The following XPNPEP1 variants were observed in gnomAD, a reference collection of about 807,000 sequenced individuals.
XPNPEP1 encodes the protein X-prolyl aminopeptidase 1, also known as xaa-Pro aminopeptidase 1.
In XPNPEP1, 39 loss-of-function variants were observed where a neutral mutation model predicts 92.4. The ratio of observed to expected loss-of-function variants is 0.42; its 90% confidence interval spans 0.33 to 0.55. XPNPEP1 has a LOEUF of 0.55. Ranked by LOEUF, XPNPEP1 falls within the 20% of genes least tolerant of loss-of-function variation. The probability of loss-of-function intolerance (pLI) is 0.08; values close to 1 mark genes in which losing one functional copy is unlikely to be tolerated. For missense variants in XPNPEP1, 654 were observed against 856.1 expected, an observed-to-expected ratio of 0.76 and a Z score of 2.95; for synonymous variants, 307 against 299.4, an observed-to-expected ratio of 1.03 and a Z score of -0.26.
chr10:109,894,129 T>A lies in XPNPEP1; in HGVS notation c.247-1054A>T, dbSNP rs1589596155. On this transcript the variant is annotated intron_variant, in intron 3 of 20. Transcript: ENST00000502935. ...AAAGGACCTGGCAAGGTTAAGAAAGTTTAGGGTGGGGAATGGGGCTGCTGG... is the reference window on the plus strand; with the variant it reads ...AAAGGACCTGGCAAGGTTAAGAAAGATTAGGGTGGGGAATGGGGCTGCTGG... The A allele has an allele frequency of 2.6e-5, 4 of 152,040 alleles. No individual in the cohort carries two copies. The East Asian group carries it at 7.7e-4, about 29-fold the overall frequency. 9.4% of individuals were successfully genotyped at this position (152,040 alleles called of 1,614,324 possible).
At chr10:109,868,763 A>G in intron 19 of XPNPEP1, 51 bp from the exon 20 acceptor site, 1 of 1,540,794 alleles carries the variant, frequency 6.5e-7, no homozygotes, top group Non-Finnish European at 9.0e-7. Flanking sequence ...TACTATGCTG[A>G]AGCACCATGA....
At chr10:109,886,880 G>A (rs558693096) in intron 7 of XPNPEP1, among the ~76,000 whole-genome samples, 58 of 152,250 alleles carry the variant, frequency 3.8e-4, no homozygotes, top group Admixed American at 1.3e-3. Context: ...TCAGTGCTAA[G>A]ACCTAGGAAT....
At chr10:109,865,935 C>T (rs116016117) in intron 20 of XPNPEP1, among the ~76,000 whole-genome samples, 3,142 of 152,274 alleles carry the variant, frequency 0.021, 105 homozygotes, top group African/African-American at 0.072. Flanking sequence ...GACCTGCTGG[C>T]AGGACTTGGT....
At chr10:109,892,882 CAG>C in intron 4 of XPNPEP1, 128 bp downstream of exon 4, 2 of 887,510 alleles carry the variant, frequency 2.3e-6, no homozygotes, top group East Asian at 2.7e-5. Context: ...CACCTTTCTG[CAG>C]AGAGTCAATG....
rs1397441831 is a variant in XPNPEP1, at chr10:109,867,015, A to G, written c.1872+1599T>C. Among the ~76,000 whole-genome samples the G allele has an allele frequency of 6.6e-6, 1 of 152,220 alleles. No individual in the cohort carries two copies. The highest frequency in any genetic ancestry group is 6.5e-5 in the Admixed American group (1 of 15,288). On this transcript the variant is annotated intron_variant, in intron 20 of 20. Transcript: ENST00000502935. The surrounding 1 kb of genome is among the most constrained non-coding windows in gnomAD (Gnocchi z 4.5). ...TAAAGGGGAATGTCATATGGGAGAA[A>G]TGCCTCCTGATGGGTACACTTTATG... is the stretch of plus-strand genomic sequence containing the variant.
intron 5 of XPNPEP1, among the ~76,000 whole-genome samples, chr10:109,890,614 GA>G (rs1848655830): frequency 6.6e-6 from 1 of 151,816 alleles, no homozygotes; most frequent in African/African-American, 2.4e-5. Context: ...GAGAGAGAGA[GA>G]GAGAGAGAGA....
At chr10:109,889,561 A>C (rs565590530) in intron 5 of XPNPEP1, among the ~76,000 whole-genome samples, 1 of 152,368 alleles carries the variant, frequency 6.6e-6, no homozygotes, top group Admixed American at 6.5e-5. Flanking sequence ...TAGTCATAGG[A>C]CACTATATCA....
At chr10:109,897,580 G>GA (rs1263087052) in intron 3 of XPNPEP1, among the ~76,000 whole-genome samples, 1 of 152,028 alleles carries the variant, frequency 6.6e-6, no homozygotes, top group African/African-American at 2.4e-5. Flanking sequence ...TGAAAAAAAT[G>GA]AAGCTTAGAG....
chr10:109,875,520 T>A lies in XPNPEP1; in HGVS notation c.1391+8A>T. 6.2e-7 allele frequency: 1 copy of A among 1,613,896 alleles called. No homozygotes were observed. Among genetic ancestry groups the A allele is most frequent in the South Asian group, 1.1e-5 (1 of 91,062 alleles). ...AGTCAAGTTCCACAGCAGTCCTGGTTTACTTACTTGTATTGAGCACCCGAG... is the reference window on the plus strand; with the variant it reads ...AGTCAAGTTCCACAGCAGTCCTGGTATACTTACTTGTATTGAGCACCCGAG... On this transcript the variant is annotated splice_region_variant and intron_variant, in intron 15 of 20. Coordinates refer to ENST00000502935, the MANE Select transcript of XPNPEP1 (RefSeq NM_020383.4).
chr10:109,897,414 C>A (rs769915720), intron 3 of XPNPEP1, among the ~76,000 whole-genome samples: 37 of 152,290 alleles, frequency 2.4e-4, no homozygotes, highest in African/African-American at 7.7e-4. Context: ...CCATACCCTA[C>A]CTTGGATAAT....
At chr10:109,883,983 G>T in intron 9 of XPNPEP1, 84 bp downstream of exon 9, 1 of 1,224,334 alleles carries the variant, frequency 8.2e-7, no homozygotes. Flanking sequence ...ATCAGGCAGT[G>T]ATGGGTGGGC....
At chr10:109,881,068 T>G in intron 10 of XPNPEP1, 137 bp from the exon 11 acceptor site, 2 of 753,218 alleles carry the variant, frequency 2.7e-6, no homozygotes, top group Non-Finnish European at 4.2e-6. Context: ...CATATAGCTA[T>G]CCCCTGGGGC....
intron 17 of XPNPEP1, 126 bp downstream of exon 17, chr10:109,871,666 G>A: frequency 9.3e-7 from 1 of 1,079,158 alleles, no homozygotes; most frequent in Admixed American, 2.3e-5. Flanking sequence ...ATGAGCACCT[G>A]GCTGGGCCTG....
At chr10:109,877,632 A>T in intron 14 of XPNPEP1, 158 bp downstream of exon 14, 1 of 932,254 alleles carries the variant, frequency 1.1e-6, no homozygotes, top group Admixed American at 2.5e-5. Flanking sequence ...GATTGGGAGA[A>T]AATAAAATCT....
intron 3 of XPNPEP1, among the ~76,000 whole-genome samples, chr10:109,893,775 A>G (rs1848828343): frequency 6.6e-6 from 1 of 152,258 alleles, no homozygotes; most frequent in Non-Finnish European, 1.5e-5. Context: ...AACTTCTGGT[A>G]ATAGCCAGTG....
Position 109,880,842 on chromosome 10 carries a change from G to C in XPNPEP1, c.1131C>G (p.His377Gln). ...SAESEGMRRAHIKDAVALCEL... is the reference protein window; with the variant it reads ...SAESEGMRRAQIKDAVALCEL... ...CTTCTGCACCAGCTCCTCTACTCAC[G>C]TGAGCCCGCCTCATGCCTTCTGACT... is the stretch of plus-strand genomic sequence containing the variant. The change falls in exon 11 of 21, where the codon CAC becomes CAG. Residue 377 changes from histidine to glutamine, a missense_variant and splice_region_variant. His to Gln is a conservative substitution (Grantham distance 24). Transcript: ENST00000502935. 6.2e-7 allele frequency: 1 copy of C among 1,613,686 alleles called. No homozygotes were observed. The highest frequency in any genetic ancestry group is 1.7e-5 in the Admixed American group (1 of 59,960).
rs758451061 is a variant in XPNPEP1, at chr10:109,888,173, G to C, written c.528C>G (p.Ala176=). 32 of 1,612,752 alleles carry C rather than the reference G, an allele frequency of 2.0e-5. No homozygotes were observed. In the African/African-American group the frequency reaches 3.9e-4, roughly 20 times the overall value. ...GATGGCCGGCACTTCTCAGAACTTT[G>C]GCCATTTTCTTCCAATAATCTGAGG... ...IIPTDYWKKM[A]KVLRSAGHHL... is the part of the protein sequence containing the mutation. The change falls in exon 7 of 21, where the codon GCC becomes GCG. Residue 176 remains alanine (A), a synonymous_variant. Transcript: ENST00000502935.
intron 1 of XPNPEP1, chr10:109,923,096 A>G (rs1850643428): frequency 1.1e-6 from 1 of 933,486 alleles, no homozygotes. Context: ...CCCGCGGGCC[A>G]GGAACTGTGA....
intron 3 of XPNPEP1, chr10:109,893,978 G>T (rs1257777976): frequency 6.6e-6 from 1 of 152,192 alleles, no homozygotes; most frequent in Admixed American, 6.5e-5. Flanking sequence ...GAAAACTGAG[G>T]TTCAAAGAGA....
Sources: allele counts gnomAD v4.1 joint callset (sites outside exome capture counted in the v4.1 genomes callset), GRCh38; gene constraint gnomAD v4.1.1; non-coding constraint Gnocchi (gnomAD v3.1); transcripts MANE v1.5; gene names NCBI Gene and HGNC (gene_info 2026-07-23, HGNC 2026-07-21).